MRTFB: variants seen among roughly 807,000 people sequenced by gnomAD.
The protein encoded by MRTFB is myocardin-related transcription factor B.
Under a neutral mutation model 104.2 loss-of-function variants are expected in MRTFB, and 29 were observed. The ratio of observed to expected loss-of-function variants is 0.28; its 90% CI spans 0.21 to 0.38. MRTFB has a LOEUF of 0.38. MRTFB is among the 10% of genes least tolerant of loss of function. The probability of loss-of-function intolerance (pLI) is 1.00; values close to 1 mark genes in which losing one functional copy is unlikely to be tolerated. For missense variants in MRTFB, 1,270 were observed against 1,341.6 expected (o/e 0.95, Z 0.83); for synonymous variants, 535 against 519.5 (o/e 1.03, Z -0.41).
the MRTFB span, among the ~76,000 whole-genome samples, chr16:14,005,209 T>C: frequency 1.3e-5 from 2 of 152,242 alleles, no homozygotes; most frequent in African/African-American, 4.8e-5. Flanking sequence ...CTACATTTCT[T>C]TGTTTTTTAA....
intron 1 of MRTFB, among the ~76,000 whole-genome samples, chr16:14,072,495 G>T (rs572180909): frequency 1.3e-5 from 2 of 152,264 alleles, no homozygotes; most frequent in South Asian, 4.1e-4. Flanking sequence ...AGCAAGCCTG[G>T]GCAATATAGC....
At chr16:14,048,889 A>G in the MRTFB span, among the ~76,000 whole-genome samples, 1 of 152,224 alleles carries the variant, frequency 6.6e-6, no homozygotes, top group Non-Finnish European at 1.5e-5. Flanking sequence ...GGCATGTGGC[A>G]GCACTTGGTA....
At chr16:14,219,043 GT>G (rs763988536) in intron 8 of MRTFB, 45 bp downstream of exon 8, 76 of 1,494,392 alleles carry the variant, frequency 5.1e-5, no homozygotes, top group Middle Eastern at 1.8e-4. Flanking sequence ...AAAATGCCTT[GT>G]TTTTTTTTAA....
the MRTFB span, among the ~76,000 whole-genome samples, chr16:14,043,925 GT>G: frequency 3.9e-5 from 6 of 152,348 alleles, no homozygotes; most frequent in East Asian, 1.2e-3. Context: ...ATATAGTGCA[GT>G]GATAGGAGCA....
chr16:14,118,284 A>G (rs969078849), intron 2 of MRTFB, among the ~76,000 whole-genome samples: 2 of 151,516 alleles, frequency 1.3e-5, no homozygotes, highest in African/African-American at 4.8e-5. Context: ...CTACAGGCAC[A>G]CGCCACCACA....
chr16:14,094,868 A>G (rs975594220), intron 2 of MRTFB, among the ~76,000 whole-genome samples: 1 of 152,196 alleles, frequency 6.6e-6, no homozygotes, highest in Non-Finnish European at 1.5e-5. Context: ...TTTTTTGGAG[A>G]AACAAAGGAT....
intron 3 of MRTFB, among the ~76,000 whole-genome samples, chr16:14,149,001 C>G (rs979885035): frequency 5.9e-5 from 9 of 152,162 alleles, no homozygotes; most frequent in African/African-American, 2.2e-4. Flanking sequence ...AGTAAACATA[C>G]TTGCCAGCTC....
At chr16:14,223,599 A>T (rs181874884) in intron 8 of MRTFB, among the ~76,000 whole-genome samples, 2 of 152,280 alleles carry the variant, frequency 1.3e-5, no homozygotes, top group African/African-American at 4.8e-5. Context: ...TAGAGGCTTG[A>T]ACAGCAGACT....
At position 14,177,830 on chromosome 16, in the gene MRTFB, A is replaced by G. The variant is rs1248231558; in HGVS notation, c.155-32413A>G. Among the ~76,000 whole-genome samples, 1 of 152,144 alleles carries G rather than the reference A, an allele frequency of 6.6e-6. No homozygotes were observed. The highest frequency in any genetic ancestry group is 1.9e-4 in the East Asian group (1 of 5,204). ...AGAACAAGTCTCTGTCTTGAAAAAA[A>G]GAAAAAGAATGAAAAGAAAACTCAT... On this transcript the variant is annotated intron_variant, in intron 3 of 16. Transcript: ENST00000571589. The surrounding 1 kb of genome is among the most constrained non-coding windows in gnomAD (Gnocchi z 4.7).
chr16:14,266,373 T>G lies in MRTFB; in HGVS notation c.*4929T>G, dbSNP rs1339924054. 3 of 152,208 alleles carry G rather than the reference T, an allele frequency of 2.0e-5. No individual in the cohort carries two copies. Among genetic ancestry groups the G allele is most frequent in the Non-Finnish European group, 4.4e-5 (3 of 68,036 alleles). 9.4% of individuals were successfully genotyped at this position (152,208 alleles called of 1,614,324 possible). ...AATGTGATAGGTGTTTCTCTTCTTATTTTCATTGTCACATTATGTCTTAGC... is the reference window on the plus strand; with the variant it reads ...AATGTGATAGGTGTTTCTCTTCTTAGTTTCATTGTCACATTATGTCTTAGC... On this transcript the variant is annotated 3_prime_UTR_variant, in exon 17 of 17. Coordinates refer to ENST00000571589, the MANE Select transcript of MRTFB (RefSeq NM_001308142.2).
rs2043921773 is a variant in MRTFB at position 14,265,621 on chromosome 16, G to GT, written c.*4183dup. The stretch of plus-strand genomic sequence containing the variant: ...TCTGCATGGCAATGAGCAGGTGCGT[G>GT]TTTTTTCCACATTCGCCCTTTCTTG... On this transcript the variant is annotated 3_prime_UTR_variant, in exon 17 of 17. Transcript: ENST00000571589. 1 of 152,176 alleles carries GT rather than the reference G, an allele frequency of 6.6e-6. No homozygotes were observed. Among genetic ancestry groups the GT allele is most frequent in the Non-Finnish European group, 1.5e-5 (1 of 68,028 alleles). The allele number at this position is 152,176 out of a possible 1,614,324, so 9.4% of individuals were successfully genotyped here. A position where few individuals can be genotyped will look rare whatever the true frequency, so the allele number is the denominator to read the frequency against.
At chr16:14,166,910 T>C (rs1039772408) in intron 3 of MRTFB, among the ~76,000 whole-genome samples, 2 of 152,248 alleles carry the variant, frequency 1.3e-5, no homozygotes, top group Non-Finnish European at 1.5e-5. Flanking sequence ...CAGTCTATTA[T>C]TGATGGGCAT....
intron 1 of MRTFB, among the ~76,000 whole-genome samples, chr16:14,078,752 C>T (rs928398749): frequency 1.3e-5 from 2 of 152,008 alleles, no homozygotes; most frequent in Non-Finnish European, 2.9e-5. Flanking sequence ...TTATTATCAT[C>T]ATAAATAATG....
At chr16:14,173,848 G>C (rs1391602042) in intron 3 of MRTFB, among the ~76,000 whole-genome samples, 1 of 151,848 alleles carries the variant, frequency 6.6e-6, no homozygotes, top group Non-Finnish European at 1.5e-5. Flanking sequence ...ATTTTTCTCT[G>C]ATCACTGCTT....
intron 16 of MRTFB, among the ~76,000 whole-genome samples, chr16:14,259,528 C>T (rs748216056): frequency 1.8e-4 from 27 of 146,280 alleles, no homozygotes; most frequent in South Asian, 4.4e-4. Flanking sequence ...TGGGAGGCCA[C>T]GGCAAGCGGA....
At chr16:14,033,032 G>C in the MRTFB span, among the ~76,000 whole-genome samples, 1 of 151,342 alleles carries the variant, frequency 6.6e-6, no homozygotes, top group African/African-American at 2.4e-5. Context: ...TTTTTTAGTA[G>C]GTCTGCAAAA....
At chr16:14,241,988 TA>T (rs1010989749) in intron 10 of MRTFB, among the ~76,000 whole-genome samples, 1 of 148,096 alleles carries the variant, frequency 6.8e-6, no homozygotes, top group African/African-American at 2.5e-5. Context: ...ATAATAATAA[TA>T]ATAATAATAA....
At chr16:14,021,619 T>C in the MRTFB span, among the ~76,000 whole-genome samples, 1 of 152,170 alleles carries the variant, frequency 6.6e-6, no homozygotes. Context: ...TGTATCATTC[T>C]CATGCTTTTG....
At chr16:14,147,119 A>G (rs1000728390) in intron 3 of MRTFB, among the ~76,000 whole-genome samples, 3 of 152,238 alleles carry the variant, frequency 2.0e-5, no homozygotes, top group African/African-American at 7.2e-5. Flanking sequence ...ATCAATAAAC[A>G]TTCTGATAGT....
Sources: allele counts gnomAD v4.1 joint callset (sites outside exome capture counted in the v4.1 genomes callset), GRCh38; gene constraint gnomAD v4.1.1; non-coding constraint Gnocchi (gnomAD v3.1); transcripts MANE v1.5; gene names NCBI Gene and HGNC (gene_info 2026-07-23, HGNC 2026-07-21).